Variants in TANC1 observed in about 807,000 individuals in gnomAD.
TANC1 encodes tetratricopeptide repeat, ankyrin repeat and coiled-coil containing 1, also known as protein TANC1.
A neutral mutation model predicts 149.7 loss-of-function variants in TANC1; 77 were observed. That is an observed-to-expected ratio of 0.51 (90% CI 0.43 to 0.62). The LOEUF (loss-of-function observed/expected upper bound fraction) is 0.62. Ranked by LOEUF, TANC1 falls within the 20% of genes least tolerant of loss-of-function variation. The pLI, the probability that TANC1 is intolerant of heterozygous loss-of-function variation, is 0.00. For synonymous variants in TANC1, 854 were observed against 925.0 expected (o/e 0.92, Z 1.39); for missense variants, 1,985 against 2,321.8 (o/e 0.85, Z 2.98).
At chr2:159,227,166 A>AGTGT (rs1553619221) in intron 24 of TANC1, 4 of 151,904 alleles carry the variant, frequency 2.6e-5, no homozygotes, top group Admixed American at 2.0e-4. Context: ...AATTGAGTTG[A>AGTGT]GTGTATTGTT....
intron 2 of TANC1, among the ~76,000 whole-genome samples, chr2:159,005,575 A>G (rs1383112697): frequency 6.6e-6 from 1 of 152,138 alleles, no homozygotes; most frequent in Non-Finnish European, 1.5e-5. Context: ...GTGAAAGAGT[A>G]AGACCTTGTC....
chr2:159,041,668 C>T (rs531847448), intron 2 of TANC1, among the ~76,000 whole-genome samples: 4 of 152,270 alleles, frequency 2.6e-5, no homozygotes, highest in East Asian at 1.9e-4. Context: ...GGTAGTGTCC[C>T]GATTTTCCAG....
intron 7 of TANC1, among the ~76,000 whole-genome samples, chr2:159,158,217 G>A (rs2053635154): frequency 6.6e-6 from 1 of 152,014 alleles, no homozygotes; most frequent in African/African-American, 2.4e-5. Flanking sequence ...ATGAGCCAGG[G>A]GTGCTGGTGG....
intron 1 of TANC1, among the ~76,000 whole-genome samples, chr2:158,990,168 C>T (rs1413126102): frequency 2.0e-5 from 3 of 152,056 alleles, no homozygotes. Context: ...GCCCGCCTGA[C>T]CTCGTGATCT....
At position 159,149,468 on chromosome 2, in the gene TANC1, A is replaced by G. The variant is rs990580878; in HGVS notation, c.495+196A>G. The G allele has an allele frequency of 1.2e-5, 8 of 669,124 alleles. No individual in the cohort carries two copies. In the Admixed American group the frequency reaches 1.7e-4, roughly 15 times the overall value. 41.4% of individuals were successfully genotyped at this position (669,124 alleles called of 1,614,324 possible). ...GAGGTAGGGAAAAGCAGAAAGAAGCAGAACGTAAGAAAATGTCCACATTAA... is the reference window on the plus strand; with the variant it reads ...GAGGTAGGGAAAAGCAGAAAGAAGCGGAACGTAAGAAAATGTCCACATTAA... On this transcript the variant is annotated intron_variant, in intron 6 of 26. Transcript: ENST00000263635.
intron 2 of TANC1, among the ~76,000 whole-genome samples, chr2:159,025,899 C>T (rs186656819): frequency 2.9e-4 from 44 of 152,178 alleles, no homozygotes; most frequent in Non-Finnish European, 3.7e-4. Flanking sequence ...TAGGGAACTC[C>T]GACCAATTCC....
At chr2:159,059,643 T>C (rs182168499) in intron 2 of TANC1, among the ~76,000 whole-genome samples, 9 of 152,068 alleles carry the variant, frequency 5.9e-5, no homozygotes, top group African/African-American at 2.2e-4. Context: ...CCTGGAGAAG[T>C]TCCGTTAGTT....
intron 16 of TANC1, among the ~76,000 whole-genome samples, chr2:159,193,073 G>A (rs1345762996): frequency 6.6e-6 from 1 of 152,212 alleles, no homozygotes; most frequent in Non-Finnish European, 1.5e-5. Flanking sequence ...TGCGATAGAT[G>A]TCCAGTACTT....
chr2:159,041,929 A>G (rs2040673094), intron 2 of TANC1, among the ~76,000 whole-genome samples: 2 of 151,976 alleles, frequency 1.3e-5, no homozygotes, highest in Admixed American at 6.6e-5. Context: ...ACCCTACCCC[A>G]TGTTCGAGTT....
chr2:159,041,984 C>G (rs985336145), intron 2 of TANC1, among the ~76,000 whole-genome samples: 1 of 152,192 alleles, frequency 6.6e-6, no homozygotes, highest in Non-Finnish European at 1.5e-5. Flanking sequence ...ATGGGGGTGA[C>G]CACCTGGTTC....
intron 1 of TANC1, among the ~76,000 whole-genome samples, chr2:158,975,527 C>A (rs992530106): frequency 6.6e-5 from 10 of 151,868 alleles, no homozygotes; most frequent in Non-Finnish European, 1.2e-4. Flanking sequence ...CACAAGAGAA[C>A]AAGTAGCACC....
chr2:158,991,597 C>CA (rs1350502716), intron 1 of TANC1, among the ~76,000 whole-genome samples: 4 of 151,658 alleles, frequency 2.6e-5, no homozygotes, highest in Non-Finnish European at 5.9e-5. Flanking sequence ...ACTAAAAATA[C>CA]AAAAAAATTA....
At chr2:159,025,189 T>TTTTCTTTCCTTCTTTCTTTCTTTC (rs2039187232) in intron 2 of TANC1, among the ~76,000 whole-genome samples, 1 of 105,222 alleles carries the variant, frequency 9.5e-6, no homozygotes, top group Non-Finnish European at 1.9e-5. Flanking sequence ...TTTTTCTTTC[T>TTTTCTTTCCTTCTTTCTTTCTTTC]TTTCTTTCTT....
chr2:159,149,971 C>A, intron 6 of TANC1: 1 of 171,090 alleles, frequency 5.8e-6, no homozygotes, highest in Non-Finnish European at 1.3e-5. Context: ...TGAAACATCA[C>A]AAAAACAGAG....
intron 16 of TANC1, 43 bp downstream of exon 16, chr2:159,187,067 C>T: frequency 3.1e-6 from 5 of 1,606,532 alleles, no homozygotes; most frequent in Non-Finnish European, 4.3e-6. Flanking sequence ...CCAGCCCTGG[C>T]CGGCTGCTGG....
chr2:158,992,986 C>T (rs556028890), intron 1 of TANC1, among the ~76,000 whole-genome samples: 45 of 152,170 alleles, frequency 3.0e-4, no homozygotes, highest in African/African-American at 1.1e-3. Context: ...CCTTCATGCT[C>T]ATCTCTTCCT....
chr2:159,069,665 C>CT (rs917584270), intron 3 of TANC1, among the ~76,000 whole-genome samples: 2 of 150,962 alleles, frequency 1.3e-5, no homozygotes, highest in Non-Finnish European at 2.9e-5. Context: ...AAGTTAGTAT[C>CT]TTTTTGTACA....
chr2:159,068,596 G>A (rs1470800007), intron 3 of TANC1, among the ~76,000 whole-genome samples: 4 of 152,176 alleles, frequency 2.6e-5, no homozygotes, highest in South Asian at 2.1e-4. Context: ...TTTCAGAAGC[G>A]TTGAACAGTT....
intron 7 of TANC1, among the ~76,000 whole-genome samples, chr2:159,157,722 T>C (rs548853599): frequency 6.0e-4 from 91 of 152,362 alleles, no homozygotes; most frequent in African/African-American, 2.0e-3. Context: ...CTTTCTTGTT[T>C]GATCCTTAAT....
Sources: allele counts gnomAD v4.1 joint callset (sites outside exome capture counted in the v4.1 genomes callset), GRCh38; gene constraint gnomAD v4.1.1; transcripts MANE v1.5; gene names NCBI Gene and HGNC (gene_info 2026-07-23, HGNC 2026-07-21).